Variants in VPS8 observed in about 807,000 individuals in gnomAD.
VPS8 encodes VPS8 subunit of CORVET complex, also known as vacuolar protein sorting-associated protein 8 homolog.
In VPS8, 129 loss-of-function variants were observed where a neutral mutation model predicts 216.4. The observed-to-expected ratio is 0.60, with a 90% confidence interval of 0.52 to 0.69. The LOEUF (loss-of-function observed/expected upper bound fraction) is 0.69. Among genes scored for constraint, VPS8 ranks in the 30% least tolerant of loss-of-function variants. VPS8 has a pLI of 0.00. For missense variants in VPS8, 1,531 were observed against 1,683.5 expected (o/e 0.91, Z 1.59); for synonymous variants, 571 against 565.4 (o/e 1.01, Z -0.14).
In VPS8 at chr3:184,936,348, A is replaced by G. The variant is rs1444245641; in HGVS notation, c.2988+13A>G. 7 of 1,594,486 alleles carry G rather than the reference A, an allele frequency of 4.4e-6. No individual in the cohort carries two copies. The highest frequency in any genetic ancestry group is 1.7e-4 in the Middle Eastern group (1 of 6,060). On this transcript the variant is annotated intron_variant, in intron 35 of 47. Coordinates refer to ENST00000625842, the MANE Select transcript of VPS8 (RefSeq NM_001009921.3). Reference sequence around the variant, plus strand: ...TAAAAAACTTCAGGTACATATTGCAAATATATATTGGGGAAAAATATCTAG... The same window carrying G: ...TAAAAAACTTCAGGTACATATTGCAGATATATATTGGGGAAAAATATCTAG...
chr3:184,958,790 C>T (rs931540221), intron 37 of VPS8, among the ~76,000 whole-genome samples: 11 of 152,062 alleles, frequency 7.2e-5, no homozygotes, highest in Non-Finnish European at 1.5e-4. Flanking sequence ...ATCTCAAAAA[C>T]CGTGAGTTAG....
intron 1 of VPS8, among the ~76,000 whole-genome samples, chr3:184,821,501 G>A (rs186606595): frequency 4.9e-4 from 75 of 151,988 alleles, no homozygotes; most frequent in Non-Finnish European, 9.3e-4. Context: ...ACGCCACCAC[G>A]CTTGGCTAAT....
intron 21 of VPS8, among the ~76,000 whole-genome samples, chr3:184,884,080 C>CT (rs1367332245): frequency 1.3e-5 from 2 of 151,830 alleles, no homozygotes; most frequent in Non-Finnish European, 2.9e-5. Context: ...TTCAGGATCA[C>CT]TTTTTTTTAT....
At chr3:185,020,182 A>T (rs1429605830) in intron 45 of VPS8, among the ~76,000 whole-genome samples, 1 of 152,232 alleles carries the variant, frequency 6.6e-6, no homozygotes, top group Non-Finnish European at 1.5e-5. Context: ...AAAATAACCT[A>T]AATGTCCCAA....
At chr3:184,977,017 G>A (rs547301955) in intron 40 of VPS8, among the ~76,000 whole-genome samples, 1 of 152,218 alleles carries the variant, frequency 6.6e-6, no homozygotes, top group East Asian at 1.9e-4. Context: ...TCAACTCTCG[G>A]TTCTTTTGAG....
At chr3:184,929,934 C>G (rs1740389160) in intron 33 of VPS8, among the ~76,000 whole-genome samples, 1 of 152,102 alleles carries the variant, frequency 6.6e-6, no homozygotes, top group Non-Finnish European at 1.5e-5. Context: ...CTGACTTACA[C>G]AGAGTAGCCA....
At chr3:184,884,360 A>G (rs1159388323) in intron 21 of VPS8, among the ~76,000 whole-genome samples, 1 of 152,036 alleles carries the variant, frequency 6.6e-6, no homozygotes, top group Non-Finnish European at 1.5e-5. Context: ...GCTCAGAATG[A>G]TGGTTTCCAG....
At chr3:184,859,766 G>A (rs962997613) in intron 14 of VPS8, among the ~76,000 whole-genome samples, 2 of 152,140 alleles carry the variant, frequency 1.3e-5, no homozygotes, top group African/African-American at 2.4e-5. Context: ...CTGACAACTA[G>A]ACCACCCCCA....
intron 16 of VPS8, among the ~76,000 whole-genome samples, chr3:184,864,448 C>T (rs1019321591): frequency 3.9e-5 from 6 of 152,136 alleles, no homozygotes; most frequent in Non-Finnish European, 8.8e-5. Flanking sequence ...TTGAGTGTTC[C>T]TCAGACTCCT....
chr3:184,815,133 C>T (rs1716032688), intron 1 of VPS8, among the ~76,000 whole-genome samples: 2 of 152,130 alleles, frequency 1.3e-5, no homozygotes, highest in African/African-American at 2.4e-5. Flanking sequence ...ACAGTGCCTT[C>T]TGGAATACCT....
intron 22 of VPS8, among the ~76,000 whole-genome samples, chr3:184,887,440 A>G (rs1731492466): frequency 6.6e-6 from 1 of 151,720 alleles, no homozygotes; most frequent in Non-Finnish European, 1.5e-5. Context: ...AATGATAACC[A>G]GGTATTGTTC....
At chr3:184,936,778 C>T (rs188359553) in intron 35 of VPS8, among the ~76,000 whole-genome samples, 35 of 151,536 alleles carry the variant, frequency 2.3e-4, no homozygotes, top group African/African-American at 8.0e-4. Flanking sequence ...CGCTCTGTCA[C>T]CCAGGCTGGA....
At chr3:184,955,032 G>A (rs897967223) in intron 36 of VPS8, among the ~76,000 whole-genome samples, 2 of 152,286 alleles carry the variant, frequency 1.3e-5, no homozygotes, top group East Asian at 3.9e-4. Flanking sequence ...CATAAGGGCC[G>A]CTTGAGGGCT....
intron 35 of VPS8, among the ~76,000 whole-genome samples, chr3:184,936,679 T>C (rs1220481729): frequency 6.6e-6 from 1 of 151,740 alleles, no homozygotes; most frequent in Non-Finnish European, 1.5e-5. Flanking sequence ...ATCCTAGAAA[T>C]CCTAATCCAC....
chr3:185,024,113 T>A (rs1279888975), intron 45 of VPS8, among the ~76,000 whole-genome samples: 1 of 152,218 alleles, frequency 6.6e-6, no homozygotes, highest in African/African-American at 2.4e-5. Context: ...AGACCCACTT[T>A]TCTTACCCAA....
At chr3:184,961,801 C>T (rs1028708393) in intron 37 of VPS8, among the ~76,000 whole-genome samples, 7 of 149,856 alleles carry the variant, frequency 4.7e-5, no homozygotes, top group Admixed American at 2.0e-4. Context: ...GAGTCTCTCT[C>T]TGTCACCCAG....
chr3:184,863,743 T>G (rs1383002506), intron 16 of VPS8, among the ~76,000 whole-genome samples: 3 of 152,126 alleles, frequency 2.0e-5, no homozygotes, highest in Non-Finnish European at 4.4e-5. Context: ...ACCACAAATC[T>G]TTAAGTAGGA....
intron 34 of VPS8, among the ~76,000 whole-genome samples, chr3:184,930,985 C>G (rs1290114235): frequency 6.6e-6 from 1 of 152,124 alleles, no homozygotes; most frequent in South Asian, 2.1e-4. Context: ...TGATTCTGAC[C>G]TAGCTGTGGT....
At chr3:184,842,822 G>A (rs959943062) in intron 7 of VPS8, among the ~76,000 whole-genome samples, 2 of 151,924 alleles carry the variant, frequency 1.3e-5, no homozygotes, top group African/African-American at 4.8e-5. Flanking sequence ...GTAATTATAG[G>A]CATATAGTGT....
Sources: gnomAD v4.1 joint callset for allele counts (sites outside exome capture counted in the v4.1 genomes callset) on GRCh38, gnomAD v4.1.1 for gene constraint, MANE v1.5 for transcripts, NCBI Gene and HGNC (gene_info 2026-07-23, HGNC 2026-07-21) for gene names.